Variants in ROBO1 observed in about 807,000 individuals in gnomAD.
ROBO1 encodes roundabout homolog 1.
Under a neutral mutation model 195.9 loss-of-function variants are expected in ROBO1, and 149 were observed. The ratio of observed to expected loss-of-function variants is 0.76; its 90% CI spans 0.67 to 0.87. The LOEUF is 0.87. Ranked by LOEUF, ROBO1 falls within the 40% of genes least tolerant of loss-of-function variation. The pLI is 0.00. For missense variants in ROBO1, 1,933 were observed against 2,068.3 expected, an observed-to-expected ratio of 0.93 and a Z score of 1.27; for synonymous variants, 816 against 733.2, an observed-to-expected ratio of 1.11 and a Z score of -1.82.
chr3:79,482,426 A>G (rs1318270177), intron 2 of ROBO1, among the ~76,000 whole-genome samples: 3 of 152,134 alleles, frequency 2.0e-5, no homozygotes, highest in Non-Finnish European at 4.4e-5. Flanking sequence ...TAAGTCTCAC[A>G]AGATCTAATG....
At chr3:78,999,840 T>A (rs1179492204) in intron 3 of ROBO1, among the ~76,000 whole-genome samples, 1 of 152,154 alleles carries the variant, frequency 6.6e-6, no homozygotes, top group East Asian at 1.9e-4. Flanking sequence ...GCCTATATGT[T>A]TTACTTCTGC....
chr3:78,891,740 T>A (rs77590858), intron 4 of ROBO1, among the ~76,000 whole-genome samples: 5,182 of 152,310 alleles, frequency 0.034, 126 homozygotes, highest in Non-Finnish European at 0.054. Context: ...TTCATACACA[T>A]AGAATTCCAC....
chr3:78,745,091 T>A (rs2108274284), intron 5 of ROBO1, among the ~76,000 whole-genome samples: 1 of 151,968 alleles, frequency 6.6e-6, no homozygotes, highest in Admixed American at 6.6e-5. Flanking sequence ...AGGCATATCA[T>A]GAGGTCAGAA....
chr3:78,877,092 T>A (rs764667181), intron 4 of ROBO1, among the ~76,000 whole-genome samples: 1 of 152,104 alleles, frequency 6.6e-6, no homozygotes, highest in Non-Finnish European at 1.5e-5. Context: ...TAGTAGCCAG[T>A]GAATACAATT....
intron 2 of ROBO1, among the ~76,000 whole-genome samples, chr3:79,564,021 G>C (rs1943010859): frequency 6.9e-6 from 1 of 144,126 alleles, no homozygotes; most frequent in African/African-American, 2.8e-5. Context: ...TTTTTTATGT[G>C]TAAATGGTAA....
chr3:78,934,896 C>T (rs2039720159), intron 4 of ROBO1, among the ~76,000 whole-genome samples: 1 of 151,942 alleles, frequency 6.6e-6, no homozygotes, highest in Admixed American at 6.6e-5. Flanking sequence ...AGGAGTAATC[C>T]TTCCATCTTC....
intron 3 of ROBO1, among the ~76,000 whole-genome samples, chr3:79,074,583 CATT>C (rs1228969024): frequency 6.0e-5 from 9 of 149,930 alleles, no homozygotes; most frequent in Admixed American, 1.3e-4. Flanking sequence ...ATGTTCAGCT[CATT>C]ATTATTATTA....
chr3:79,394,004 C>A (rs2037048478), intron 2 of ROBO1, among the ~76,000 whole-genome samples: 1 of 151,986 alleles, frequency 6.6e-6, no homozygotes, highest in Non-Finnish European at 1.5e-5. Flanking sequence ...AACGACATGA[C>A]AATGAATGGT....
chr3:79,155,975 A>G (rs1345964860), intron 2 of ROBO1, among the ~76,000 whole-genome samples: 1 of 151,816 alleles, frequency 6.6e-6, no homozygotes, highest in Non-Finnish European at 1.5e-5. Flanking sequence ...ACAATCCTGA[A>G]TGCCTTCAAC....
chr3:79,181,192 C>T (rs1339264192), intron 2 of ROBO1, among the ~76,000 whole-genome samples: 1 of 152,180 alleles, frequency 6.6e-6, no homozygotes, highest in Non-Finnish European at 1.5e-5. Context: ...CCTCTCTTCT[C>T]TCTGTTCTAG....
intron 2 of ROBO1, among the ~76,000 whole-genome samples, chr3:79,367,853 G>T: frequency 6.6e-6 from 1 of 152,148 alleles, no homozygotes; most frequent in East Asian, 1.9e-4. Context: ...GATATACAGG[G>T]ATCGTGCTTG....
chr3:78,601,314 T>C (rs997435626), intron 29 of ROBO1, among the ~76,000 whole-genome samples: 2 of 152,154 alleles, frequency 1.3e-5, no homozygotes, highest in Non-Finnish European at 2.9e-5. Context: ...TCCTCTATCC[T>C]TGCACAAAAA....
intron 2 of ROBO1, among the ~76,000 whole-genome samples, chr3:79,542,337 T>G (rs1243915329): frequency 6.6e-6 from 1 of 152,080 alleles, no homozygotes; most frequent in Non-Finnish European, 1.5e-5. Flanking sequence ...TTATGGCAAA[T>G]GTACAATCAC....
intron 4 of ROBO1, among the ~76,000 whole-genome samples, chr3:78,763,685 T>TA (rs2083159716): frequency 6.6e-6 from 1 of 152,306 alleles, no homozygotes; most frequent in East Asian, 1.9e-4. Context: ...ACTCTTATGT[T>TA]AGTCTTTGAA....
At chr3:78,855,151 C>T (rs1036234895) in intron 4 of ROBO1, among the ~76,000 whole-genome samples, 3 of 152,078 alleles carry the variant, frequency 2.0e-5, no homozygotes, top group Non-Finnish European at 4.4e-5. Context: ...GGACCATAAG[C>T]CTGAAGCCAC....
chr3:78,702,416 T>C (rs1216012261), intron 8 of ROBO1, among the ~76,000 whole-genome samples: 1 of 152,222 alleles, frequency 6.6e-6, no homozygotes, highest in Non-Finnish European at 1.5e-5. Flanking sequence ...AATAATAAAA[T>C]ATCTTGATCA....
chr3:79,687,652 A>C (rs912328164), intron 1 of ROBO1, among the ~76,000 whole-genome samples: 6 of 152,194 alleles, frequency 3.9e-5, no homozygotes, highest in Non-Finnish European at 8.8e-5. Flanking sequence ...AAGAAATGCA[A>C]ATCAAAACCA....
chr3:79,436,257 T>C (rs1217717748), intron 2 of ROBO1, among the ~76,000 whole-genome samples: 3 of 152,164 alleles, frequency 2.0e-5, no homozygotes, highest in African/African-American at 7.2e-5. Flanking sequence ...TTTAAAAGAC[T>C]AAAGTATTTT....
intron 3 of ROBO1, among the ~76,000 whole-genome samples, chr3:79,061,808 T>G (rs1278949155): frequency 6.6e-6 from 1 of 152,180 alleles, no homozygotes; most frequent in Non-Finnish European, 1.5e-5. Flanking sequence ...TATAGAAAGC[T>G]GAAACTGGAT....
Sources: gnomAD v4.1 joint callset for allele counts (sites outside exome capture counted in the v4.1 genomes callset) on GRCh38, gnomAD v4.1.1 for gene constraint, MANE v1.5 for transcripts, NCBI Gene and HGNC (gene_info 2026-07-23, HGNC 2026-07-21) for gene names.